SH3GL2: variants seen among roughly 807,000 people sequenced by gnomAD.
SH3GL2 encodes the protein endophilin-A1.
A neutral mutation model predicts 46.0 loss-of-function variants in SH3GL2; 24 were observed. The observed-to-expected ratio is 0.52, with a 90% CI of 0.38 to 0.73. The LOEUF is 0.73. Ranked by LOEUF, SH3GL2 falls within the 30% of genes least tolerant of loss-of-function variation. SH3GL2 has a pLI of 0.00. For missense variants in SH3GL2, 413 were observed against 424.2 expected, an observed-to-expected ratio of 0.97 and a Z score of 0.23; for synonymous variants, 196 against 147.1, an observed-to-expected ratio of 1.33 and a Z score of -2.40.
At chr9:17,619,894 T>G (rs1463841759) in intron 1 of SH3GL2, among the ~76,000 whole-genome samples, 3 of 152,228 alleles carry the variant, frequency 2.0e-5, no homozygotes, top group Non-Finnish European at 4.4e-5. Context: ...TGTACCAGTT[T>G]ATTCTCTCAT....
intron 1 of SH3GL2, among the ~76,000 whole-genome samples, chr9:17,663,369 T>G (rs67384654): frequency 0.38 from 57,207 of 151,986 alleles, 11,737 homozygotes; most frequent in South Asian, 0.57. Flanking sequence ...TCCTTTTGTC[T>G]GCTTTCCTCC....
chr9:17,669,224 C>CA (rs147116195), intron 1 of SH3GL2, among the ~76,000 whole-genome samples: 3,176 of 152,226 alleles, frequency 0.021, 113 homozygotes, highest in African/African-American at 0.073. Flanking sequence ...AGTATGGTAT[C>CA]AAAACCAGGA....
At chr9:17,689,674 A>G (rs141609180) in intron 1 of SH3GL2, among the ~76,000 whole-genome samples, 20 of 151,974 alleles carry the variant, frequency 1.3e-4, no homozygotes, top group Admixed American at 3.3e-4. Flanking sequence ...CCTGCCTTTC[A>G]TTTGCCATTT....
At chr9:17,642,961 C>A (rs1192721946) in intron 1 of SH3GL2, among the ~76,000 whole-genome samples, 1 of 152,128 alleles carries the variant, frequency 6.6e-6, no homozygotes, top group Non-Finnish European at 1.5e-5. Flanking sequence ...AGCATTGAAT[C>A]TATAAATTAC....
At chr9:17,737,218 G>A (rs1287153370) in intron 1 of SH3GL2, among the ~76,000 whole-genome samples, 1 of 152,014 alleles carries the variant, frequency 6.6e-6, no homozygotes, top group Admixed American at 6.6e-5. Context: ...GGGGGGCTAG[G>A]GGAGGGATAG....
At chr9:17,716,307 T>C (rs1373916744) in intron 1 of SH3GL2, among the ~76,000 whole-genome samples, 1 of 152,154 alleles carries the variant, frequency 6.6e-6, no homozygotes, top group Non-Finnish European at 1.5e-5. Flanking sequence ...TTTTAATTTT[T>C]CTATAACAGT....
chr9:17,737,467 T>G (rs1325120716), intron 1 of SH3GL2, among the ~76,000 whole-genome samples: 2 of 152,152 alleles, frequency 1.3e-5, no homozygotes, highest in African/African-American at 2.4e-5. Context: ...CATGCTTATT[T>G]TGTCTCTAAG....
chr9:17,761,054 A>G (rs1823154969), intron 2 of SH3GL2, among the ~76,000 whole-genome samples: 1 of 152,226 alleles, frequency 6.6e-6, no homozygotes, highest in African/African-American at 2.4e-5. Flanking sequence ...AGCAGAGTTG[A>G]TGCTGCATGA....
At chr9:17,587,012 G>A (rs1200909003) in intron 1 of SH3GL2, among the ~76,000 whole-genome samples, 2 of 152,166 alleles carry the variant, frequency 1.3e-5, no homozygotes, top group Non-Finnish European at 2.9e-5. Flanking sequence ...GACCAGCTTG[G>A]CCAACATGGC....
chr9:17,725,377 C>A (rs1460655498), intron 1 of SH3GL2, among the ~76,000 whole-genome samples: 1 of 152,132 alleles, frequency 6.6e-6, no homozygotes, highest in Non-Finnish European at 1.5e-5. Context: ...TTTCCTTGGT[C>A]CACCGTTTCA....
intron 1 of SH3GL2, among the ~76,000 whole-genome samples, chr9:17,603,975 A>G (rs1390016502): frequency 6.6e-6 from 1 of 152,236 alleles, no homozygotes; most frequent in East Asian, 1.9e-4. Context: ...TACTACAAAT[A>G]AAAGTTAAAA....
intron 1 of SH3GL2, among the ~76,000 whole-genome samples, chr9:17,623,747 T>C (rs1022014384): frequency 2.7e-5 from 4 of 150,664 alleles, no homozygotes; most frequent in African/African-American, 9.8e-5. Flanking sequence ...CCACCCACCA[T>C]ATATTTTTCT....
chr9:17,708,404 T>A (rs1230615879), intron 1 of SH3GL2, among the ~76,000 whole-genome samples: 2 of 152,072 alleles, frequency 1.3e-5, no homozygotes, highest in African/African-American at 4.8e-5. Flanking sequence ...CTAGAGAAAC[T>A]CTACTTTGCG....
intron 1 of SH3GL2, among the ~76,000 whole-genome samples, chr9:17,643,997 G>C (rs918009967): frequency 3.9e-5 from 6 of 152,148 alleles, no homozygotes; most frequent in African/African-American, 1.4e-4. Flanking sequence ...ATTAATTACT[G>C]CCTCAATTTC....
intron 1 of SH3GL2, among the ~76,000 whole-genome samples, chr9:17,663,637 T>A (rs1422351644): frequency 1.3e-5 from 2 of 152,196 alleles, no homozygotes; most frequent in Non-Finnish European, 2.9e-5. Context: ...TTATTATTAA[T>A]GGTTCTGGAG....
chr9:17,597,233 A>T (rs542870307), intron 1 of SH3GL2, among the ~76,000 whole-genome samples: 1 of 152,318 alleles, frequency 6.6e-6, no homozygotes, highest in East Asian at 1.9e-4. Context: ...AGCATTTAAA[A>T]ATAATTGTCC....
intron 1 of SH3GL2, among the ~76,000 whole-genome samples, chr9:17,714,541 G>A (rs1437438880): frequency 6.6e-6 from 1 of 151,366 alleles, no homozygotes; most frequent in Non-Finnish European, 1.5e-5. Flanking sequence ...TGCTACTTTA[G>A]TGGTTGGTAG....
chr9:17,588,887 C>T (rs1271297850), intron 1 of SH3GL2, among the ~76,000 whole-genome samples: 1 of 152,138 alleles, frequency 6.6e-6, no homozygotes, highest in Non-Finnish European at 1.5e-5. Flanking sequence ...TTGGCTGGAA[C>T]TTGTAACATG....
chr9:17,637,850 C>G (rs1291451840), intron 1 of SH3GL2, among the ~76,000 whole-genome samples: 1 of 152,150 alleles, frequency 6.6e-6, no homozygotes, highest in African/African-American at 2.4e-5. Context: ...TCCAGCTTAC[C>G]TTTTGATCTT....
Sources: allele counts gnomAD v4.1 joint callset (sites outside exome capture counted in the v4.1 genomes callset), GRCh38; gene constraint gnomAD v4.1.1; transcripts MANE v1.5; gene names NCBI Gene and HGNC (gene_info 2026-07-23, HGNC 2026-07-21).